Variants in ABAT observed in about 807,000 individuals in gnomAD.
The protein encoded by ABAT is 4-aminobutyrate aminotransferase, mitochondrial.
ABAT carries 45 observed loss-of-function variants against 64.6 expected under a neutral mutation model. The ratio of observed to expected loss-of-function variants is 0.70; its 90% CI spans 0.55 to 0.89. The LOEUF (loss-of-function observed/expected upper bound fraction) is 0.89. Among genes scored for constraint, ABAT ranks in the 40% least tolerant of loss-of-function variants. The probability of loss-of-function intolerance (pLI) is 0.00; values close to 1 mark genes in which losing one functional copy is unlikely to be tolerated. For synonymous variants in ABAT, 297 were observed against 250.5 expected (o/e 1.19, Z -1.75); for missense variants, 633 against 658.4 (o/e 0.96, Z 0.42).
chr16:8,771,565 T>A (rs905867410), intron 11 of ABAT, among the ~76,000 whole-genome samples: 2 of 150,120 alleles, frequency 1.3e-5, no homozygotes, highest in South Asian at 4.2e-4. Context: ...ACCTCCTGGG[T>A]TCAAGCGATT....
At chr16:8,732,167 T>C (rs1253200748) in intron 1 of ABAT, among the ~76,000 whole-genome samples, 4 of 151,466 alleles carry the variant, frequency 2.6e-5, no homozygotes, top group Non-Finnish European at 5.9e-5. Flanking sequence ...TATCTGTTTC[T>C]AGGAGGTTGA....
chr16:8,735,876 G>C (rs988166003), intron 2 of ABAT, 67 bp downstream of exon 2: 30 of 1,414,578 alleles, frequency 2.1e-5, no homozygotes, highest in Non-Finnish European at 2.9e-5. Context: ...AGGGATTCCT[G>C]GGCTGGAAGA....
intron 1 of ABAT, among the ~76,000 whole-genome samples, chr16:8,732,568 C>T (rs1567291653): frequency 6.6e-6 from 1 of 151,706 alleles, no homozygotes; most frequent in African/African-American, 2.4e-5. Context: ...GATCCCAAGG[C>T]AGAAGAAGTT....
chr16:8,751,577 G>T (rs1283354590), intron 5 of ABAT, among the ~76,000 whole-genome samples: 1 of 152,190 alleles, frequency 6.6e-6, no homozygotes, highest in South Asian at 2.1e-4. Flanking sequence ...TCAGACTGAA[G>T]CAAAGGGCCT....
At chr16:8,743,024 A>T (rs2059209863) in intron 2 of ABAT, among the ~76,000 whole-genome samples, 1 of 150,806 alleles carries the variant, frequency 6.6e-6, no homozygotes, top group African/African-American at 2.4e-5. Context: ...AAAAAAAAAA[A>T]AAAGTCATCG....
Position 8,751,867 on chromosome 16 carries a change from G to A in ABAT, c.316+1328G>A, listed in dbSNP as rs974545391. Among the ~76,000 whole-genome samples, 3 of 152,348 alleles carry A rather than the reference G, an allele frequency of 2.0e-5. No homozygotes were observed. The South Asian group carries it at 6.2e-4, about 32-fold the overall frequency. On this transcript the variant is annotated intron_variant, in intron 5 of 15. Transcript: ENST00000268251. The stretch of plus-strand genomic sequence containing the variant: ...GCTGTATAAAAGGGCACACAGACAG[G>A]ATGGACAGGGCTAAATTGGAAATGC...
intron 1 of ABAT, among the ~76,000 whole-genome samples, chr16:8,717,753 G>A (rs1247813134): frequency 6.6e-6 from 1 of 152,048 alleles, no homozygotes; most frequent in South Asian, 2.1e-4. Flanking sequence ...AACGTATTGG[G>A]TAAAAAGAAA....
rs2060476954 is a variant in ABAT at position 8,783,102 on chromosome 16, G to C, written c.*1672G>C. 6.6e-6 allele frequency: 1 copy of C among 152,102 alleles called. No homozygotes were observed. Among genetic ancestry groups the C allele is most frequent in the South Asian group, 2.1e-4 (1 of 4,828 alleles). The allele number at this position is 152,102 out of a possible 1,614,324, so 9.4% of individuals were successfully genotyped here. ...TCGTTCTTAATCAGGAGTTCTGCCAGGTTTAAGGTCACCTGCACTCCCAGC... is the reference window on the plus strand; with the variant it reads ...TCGTTCTTAATCAGGAGTTCTGCCACGTTTAAGGTCACCTGCACTCCCAGC... On this transcript the variant is annotated 3_prime_UTR_variant, in exon 16 of 16. Transcript: ENST00000268251.
At chr16:8,695,794 T>G (rs2057688385) in intron 1 of ABAT, among the ~76,000 whole-genome samples, 3 of 152,178 alleles carry the variant, frequency 2.0e-5, no homozygotes, top group African/African-American at 7.2e-5. Flanking sequence ...CAGTTTTCAG[T>G]GGAAACTGAA....
rs10163342 is a variant in ABAT at position 8,710,782 on chromosome 16, G to C, written c.-41-24917G>C. Among the ~76,000 whole-genome samples, 60 of 149,502 alleles carry C rather than the reference G, an allele frequency of 4.0e-4. 1 individual carries two copies. Among genetic ancestry groups the C allele is most frequent in the African/African-American group, 1.4e-3 (56 of 40,886 alleles). Reference sequence around the variant, plus strand: ...CACATCTGAGCAGGAACTAGAACTAGGCCTTCTTGTACCAACCCTCTGGAT... The same window carrying C: ...CACATCTGAGCAGGAACTAGAACTACGCCTTCTTGTACCAACCCTCTGGAT... On this transcript the variant is annotated intron_variant, in intron 1 of 15. Transcript: ENST00000268251.
chr16:8,765,706 C>CA (rs111981859), intron 8 of ABAT: 18,592 of 152,620 alleles, frequency 0.12, 1,763 homozygotes, highest in African/African-American at 0.26. Flanking sequence ...AAAACAAAAA[C>CA]AAAAAAAACC....
chr16:8,681,793 C>T (rs1355273989), intron 1 of ABAT, among the ~76,000 whole-genome samples: 2 of 152,002 alleles, frequency 1.3e-5, no homozygotes, highest in African/African-American at 4.8e-5. Flanking sequence ...AGGCACCCGC[C>T]ACCACACTCA....
At position 8,707,329 on chromosome 16, in the gene ABAT, G is replaced by T. The variant is rs1048927861; in HGVS notation, c.-41-28370G>T. ...AGCCTACCTTGTAGCTGGGACTATA[G>T]GCACACACTACCATGCCAGGGTAAT... On this transcript the variant is annotated intron_variant, in intron 1 of 15. Coordinates refer to ENST00000268251, the MANE Select transcript of ABAT (RefSeq NM_020686.6). Among the ~76,000 whole-genome samples, 34 of 147,600 alleles carry T rather than the reference G, an allele frequency of 2.3e-4. 1 individual carries two copies. Among genetic ancestry groups the T allele is most frequent in the Admixed American group, 1.9e-3 (28 of 14,618 alleles).
At chr16:8,728,756 C>G (rs575641168) in intron 1 of ABAT, among the ~76,000 whole-genome samples, 21 of 152,254 alleles carry the variant, frequency 1.4e-4, no homozygotes, top group Non-Finnish European at 2.4e-4. Flanking sequence ...TGCCTATAAT[C>G]CCAGCTACTC....
At chr16:8,737,768 CA>C (rs55786206) in intron 2 of ABAT, among the ~76,000 whole-genome samples, 16 of 144,614 alleles carry the variant, frequency 1.1e-4, no homozygotes, top group African/African-American at 3.1e-4. Flanking sequence ...ACTAAAAATA[CA>C]AAAAAAAAAT....
intron 5 of ABAT, among the ~76,000 whole-genome samples, chr16:8,753,946 T>G (rs548582078): frequency 1.3e-5 from 2 of 152,182 alleles, no homozygotes; most frequent in East Asian, 3.9e-4. Context: ...GATCTCTTAC[T>G]GTGGAGGAGT....
intron 1 of ABAT, among the ~76,000 whole-genome samples, chr16:8,679,084 T>G (rs2057271255): frequency 6.6e-6 from 1 of 152,118 alleles, no homozygotes; most frequent in African/African-American, 2.4e-5. Flanking sequence ...TTTGGGAGGC[T>G]GAGGCGGCAG....
chr16:8,686,193 C>A (rs1279164294), intron 1 of ABAT, among the ~76,000 whole-genome samples: 1 of 152,258 alleles, frequency 6.6e-6, no homozygotes, highest in Non-Finnish European at 1.5e-5. Context: ...GCTGGCTTCG[C>A]AGGCTGAGCG....
At chr16:8,741,659 T>G (rs1255221592) in intron 2 of ABAT, among the ~76,000 whole-genome samples, 3 of 152,260 alleles carry the variant, frequency 2.0e-5, no homozygotes, top group African/African-American at 7.2e-5. Flanking sequence ...ATTTTTGTTC[T>G]GTTCTCTTGT....
Sources: allele counts gnomAD v4.1 joint callset (sites outside exome capture counted in the v4.1 genomes callset), GRCh38; gene constraint gnomAD v4.1.1; transcripts MANE v1.5; gene names NCBI Gene and HGNC (gene_info 2026-07-23, HGNC 2026-07-21).